The following RELN variants were observed in gnomAD, a reference collection of about 807,000 sequenced individuals.
The protein encoded by RELN is reelin.
Under a neutral mutation model 427.6 loss-of-function variants are expected in RELN, and 108 were observed. That is an observed-to-expected ratio of 0.25 (90% CI 0.22 to 0.30). The LOEUF (loss-of-function observed/expected upper bound fraction) is 0.30, where lower values mean the gene tolerates loss of function less well. Among genes scored for constraint, RELN ranks in the 10% least tolerant of loss-of-function variants. RELN has a pLI of 1.00. For missense variants in RELN, 3,715 were observed against 4,302.8 expected, an observed-to-expected ratio of 0.86 and a Z score of 3.82; for synonymous variants, 1,524 against 1,513.4, an observed-to-expected ratio of 1.01 and a Z score of -0.16.
chr7:103,859,834 A>T (rs1794031915), intron 2 of RELN, among the ~76,000 whole-genome samples: 1 of 152,194 alleles, frequency 6.6e-6, no homozygotes, highest in South Asian at 2.1e-4. Flanking sequence ...AGAACACAGT[A>T]AGAAAGGTTT....
intron 6 of RELN, among the ~76,000 whole-genome samples, chr7:103,741,055 A>T (rs11971478): frequency 0.011 from 1,612 of 152,308 alleles, 24 homozygotes; most frequent in African/African-American, 0.037. Flanking sequence ...ACAAAGCTCC[A>T]CTGGGTTTCT....
intron 5 of RELN, among the ~76,000 whole-genome samples, chr7:103,750,952 T>A (rs1290759053): frequency 6.6e-6 from 1 of 152,108 alleles, no homozygotes; most frequent in Non-Finnish European, 1.5e-5. Flanking sequence ...AACTGTAGAG[T>A]TCATATTTCT....
Position 103,498,068 on chromosome 7 carries a change from T to C in RELN, c.8843+9A>G, listed in dbSNP as rs567245963. On this transcript the variant is annotated intron_variant, in intron 54 of 64. Coordinates refer to ENST00000428762, the MANE Select transcript of RELN (RefSeq NM_005045.4). The stretch of plus-strand genomic sequence containing the variant: ...TGCAATAGAAATAACTAACAAAAAA[T>C]TCACTTACTTTGCACCTCGAAGATC... 11 of 1,613,800 alleles carry C rather than the reference T, an allele frequency of 6.8e-6. No individual in the cohort carries two copies. The African/African-American group carries it at 8.0e-5, about 12-fold the overall frequency.
At chr7:103,865,350 T>C (rs1369003387) in intron 2 of RELN, among the ~76,000 whole-genome samples, 2 of 150,266 alleles carry the variant, frequency 1.3e-5, no homozygotes, top group Admixed American at 6.7e-5. Flanking sequence ...TATCAATCTT[T>C]CTTAAATTCT....
chr7:103,872,398 C>A (rs1454372178), intron 2 of RELN, among the ~76,000 whole-genome samples: 133 of 139,784 alleles, frequency 9.5e-4, no homozygotes, highest in Non-Finnish European at 1.7e-3. Context: ...TGAACTCATC[C>A]TTTCTTATGG....
At chr7:103,574,390 T>A (rs1033523097) in intron 29 of RELN, 91 bp from the exon 30 acceptor site, 2 of 1,084,794 alleles carry the variant, frequency 1.8e-6, no homozygotes, top group East Asian at 4.9e-5. Context: ...AGAATGTCCA[T>A]AGGGATTAAC....
chr7:103,874,000 T>C (rs1794415636), intron 2 of RELN, among the ~76,000 whole-genome samples: 1 of 144,328 alleles, frequency 6.9e-6, no homozygotes, highest in Admixed American at 7.0e-5. Flanking sequence ...TCAAAAAGCT[T>C]ATCCACCATG....
chr7:103,583,022 T>C (rs1228814599), intron 28 of RELN, among the ~76,000 whole-genome samples: 1 of 152,206 alleles, frequency 6.6e-6, no homozygotes, highest in Admixed American at 6.5e-5. Flanking sequence ...CATGGGCTCT[T>C]AAAGCCATAT....
At chr7:103,500,362 ATAT>A (rs1828985155) in intron 53 of RELN, among the ~76,000 whole-genome samples, 1 of 152,174 alleles carries the variant, frequency 6.6e-6, no homozygotes, top group East Asian at 1.9e-4. Context: ...GTGATAATGT[ATAT>A]TATTTGCTTT....
At position 103,596,604 on chromosome 7, in the gene RELN, G is replaced by C; in HGVS notation, c.3391C>G (p.Gln1131Glu). The part of the protein sequence containing the change: ...DLDTSWVDFV[Q>E]FYIQIGGESA... Reference sequence around the variant, plus strand: ...TCTCCGCCTATCTGGATGTAGAACTGGACAAAGTCCACCCAAGAAGTATCC... The same window carrying C: ...TCTCCGCCTATCTGGATGTAGAACTCGACAAAGTCCACCCAAGAAGTATCC... The change falls in exon 25 of 65, where the codon CAG becomes GAG. Residue 1131 changes from glutamine to glutamate, a missense_variant. Coordinates refer to ENST00000428762, the MANE Select transcript of RELN (RefSeq NM_005045.4). The C allele has an allele frequency of 6.2e-7, 1 of 1,614,030 alleles. No homozygotes were observed.
intron 8 of RELN, among the ~76,000 whole-genome samples, chr7:103,713,720 A>G (rs1178254102): frequency 6.6e-6 from 1 of 151,536 alleles, no homozygotes. Context: ...CACTAGGGAG[A>G]AAATACTCTT....
chr7:103,937,338 G>C (rs1796009974), intron 1 of RELN, among the ~76,000 whole-genome samples: 1 of 152,242 alleles, frequency 6.6e-6, no homozygotes, highest in Admixed American at 6.5e-5. Flanking sequence ...TCACAGACAT[G>C]TTTTGTTGGG....
chr7:103,912,838 T>C (rs2299401), intron 2 of RELN, among the ~76,000 whole-genome samples: 38,087 of 151,984 alleles, frequency 0.25, 5,808 homozygotes, highest in African/African-American at 0.42. Flanking sequence ...ATTCAAATAA[T>C]CCTTCATTGA....
intron 19 of RELN, among the ~76,000 whole-genome samples, chr7:103,632,615 G>A (rs1832494489): frequency 6.6e-6 from 1 of 152,118 alleles, no homozygotes; most frequent in Admixed American, 6.5e-5. Flanking sequence ...GGTTAGAATA[G>A]CTGTGGAACT....
intron 1 of RELN, among the ~76,000 whole-genome samples, chr7:103,930,676 A>G (rs1795842252): frequency 6.6e-6 from 1 of 152,118 alleles, no homozygotes; most frequent in Non-Finnish European, 1.5e-5. Context: ...TATGTGGCCC[A>G]GGCTGGTCTC....
intron 11 of RELN, among the ~76,000 whole-genome samples, chr7:103,677,623 G>A (rs574138146): frequency 1.3e-5 from 2 of 150,398 alleles, no homozygotes; most frequent in African/African-American, 2.4e-5. Context: ...AAAATTAGCT[G>A]GGCGTGGCGG....
chr7:103,652,910 G>T, intron 13 of RELN, 151 bp from the exon 14 acceptor site: 3 of 730,802 alleles, frequency 4.1e-6, no homozygotes, highest in Non-Finnish European at 7.2e-6. Flanking sequence ...GTTATTTCAT[G>T]AAGAAGATGC....
At chr7:103,826,091 G>T (rs547797286) in intron 3 of RELN, among the ~76,000 whole-genome samples, 59 of 152,156 alleles carry the variant, frequency 3.9e-4, no homozygotes, top group African/African-American at 1.4e-3. Flanking sequence ...GATGAGATGG[G>T]TTCCTGATAA....
At chr7:103,719,523 C>A (rs1359998457) in intron 8 of RELN, among the ~76,000 whole-genome samples, 2 of 152,148 alleles carry the variant, frequency 1.3e-5, no homozygotes, top group East Asian at 3.9e-4. Context: ...TCTGTTTTCT[C>A]ACTTATTTTG....
Sources: gnomAD v4.1 joint callset for allele counts (sites outside exome capture counted in the v4.1 genomes callset) on GRCh38, gnomAD v4.1.1 for gene constraint, MANE v1.5 for transcripts, NCBI Gene and HGNC (gene_info 2026-07-23, HGNC 2026-07-21) for gene names.